NR6A1: variants seen among roughly 807,000 people sequenced by gnomAD.
NR6A1 encodes the protein retinoic acid receptor-related testis-associated receptor.
Under a neutral mutation model 59.1 loss-of-function variants are expected in NR6A1, and 7 were observed. That is an observed-to-expected ratio of 0.12 (90% CI 0.07 to 0.22). The LOEUF (loss-of-function observed/expected upper bound fraction) is 0.22. Ranked by LOEUF, NR6A1 falls within the 10% of genes least tolerant of loss-of-function variation. The pLI, the probability that NR6A1 is intolerant of heterozygous loss-of-function variation, is 1.00. For missense variants in NR6A1, 468 were observed against 611.6 expected (o/e 0.77, Z 2.48); for synonymous variants, 243 against 236.1 (o/e 1.03, Z -0.27).
At chr9:124,767,023 C>T (rs1250501298) in intron 1 of NR6A1, among the ~76,000 whole-genome samples, 1 of 152,148 alleles carries the variant, frequency 6.6e-6, no homozygotes, top group East Asian at 1.9e-4. Flanking sequence ...GTATAAGAAA[C>T]TTCCTCTACC....
At chr9:124,566,554 T>C (rs1834246155) in intron 2 of NR6A1, among the ~76,000 whole-genome samples, 1 of 152,170 alleles carries the variant, frequency 6.6e-6, no homozygotes, top group Admixed American at 6.5e-5. Context: ...TGGTGGGAGA[T>C]ACATCTTGAA....
chr9:124,530,616 C>T (rs890209121), intron 7 of NR6A1, among the ~76,000 whole-genome samples: 1 of 152,308 alleles, frequency 6.6e-6, no homozygotes, highest in Non-Finnish European at 1.5e-5. Context: ...GAAACTGACA[C>T]TATGTAAGTT....
intron 8 of NR6A1, among the ~76,000 whole-genome samples, chr9:124,526,272 TTGTGTGTA>T (rs1554724072): frequency 2.6e-4 from 39 of 150,058 alleles, no homozygotes; most frequent in Admixed American, 2.2e-3. Flanking sequence ...CCATGCTTGA[TTGTGTGTA>T]TGTGTGTATG....
At chr9:124,631,462 A>G (rs1270422067) in intron 2 of NR6A1, among the ~76,000 whole-genome samples, 5 of 152,228 alleles carry the variant, frequency 3.3e-5, no homozygotes, top group Non-Finnish European at 7.3e-5. Flanking sequence ...TTTCTGCAGC[A>G]TAGCTTTAAA....
intron 3 of NR6A1, among the ~76,000 whole-genome samples, chr9:124,550,670 T>A (rs191135170): frequency 1.3e-5 from 2 of 152,030 alleles, no homozygotes; most frequent in East Asian, 3.9e-4. Flanking sequence ...AATGGTGATT[T>A]TTCTATTTCC....
intron 2 of NR6A1, among the ~76,000 whole-genome samples, chr9:124,649,140 A>T (rs1233024383): frequency 6.6e-6 from 1 of 151,698 alleles, no homozygotes; most frequent in Non-Finnish European, 1.5e-5. Context: ...TAGCCAAAGC[A>T]ATCCTGAACT....
intron 2 of NR6A1, among the ~76,000 whole-genome samples, chr9:124,630,795 C>T (rs929784668): frequency 2.0e-5 from 3 of 149,254 alleles, no homozygotes; most frequent in Non-Finnish European, 4.4e-5. Flanking sequence ...TCTCCTGCCT[C>T]AGCCTCCCGA....
chr9:124,522,300 C>A lies in NR6A1; in HGVS notation c.*405G>T, dbSNP rs543876790. 6.5e-4 allele frequency: 102 copies of A among 156,920 alleles called. 1 individual carries two copies. The highest frequency in any genetic ancestry group is 1.2e-3 in the Non-Finnish European group (84 of 70,566). 9.7% of individuals were successfully genotyped at this position (156,920 alleles called of 1,614,324 possible). Reference sequence around the variant, plus strand: ...GAAAAAGTAGGGATGGCCACACCCCCCATTTCCATTGAGGTAGTCATCTTT... The same window carrying A: ...GAAAAAGTAGGGATGGCCACACCCCACATTTCCATTGAGGTAGTCATCTTT... On this transcript the variant is annotated 3_prime_UTR_variant, in exon 10 of 10. Coordinates refer to ENST00000487099, the MANE Select transcript of NR6A1 (RefSeq NM_033334.4).
rs551380379 is a variant in NR6A1, at chr9:124,616,153, T to C, written c.143-61583A>G. On this transcript the variant is annotated intron_variant, in intron 2 of 9. Coordinates refer to ENST00000487099, the MANE Select transcript of NR6A1 (RefSeq NM_033334.4). The stretch of plus-strand genomic sequence containing the variant: ...TGGCTCACATCTGTAATCCCAGCAC[T>C]TTGGGAGGCCGAGGTGAGCAGATCA... 1.1e-3 allele frequency among the ~76,000 whole-genome samples: 174 copies of C among 152,076 alleles called. 1 individual carries two copies. The highest frequency in any genetic ancestry group is 3.8e-3 in the African/African-American group (158 of 41,512).
At chr9:124,646,991 C>T (rs140433420) in intron 2 of NR6A1, among the ~76,000 whole-genome samples, 136 of 152,238 alleles carry the variant, frequency 8.9e-4, no homozygotes, top group Middle Eastern at 3.4e-3. Flanking sequence ...CATAGCTCAC[C>T]GTAACCTCAA....
intron 2 of NR6A1, among the ~76,000 whole-genome samples, chr9:124,689,280 T>C (rs931590844): frequency 5.9e-5 from 9 of 152,186 alleles, no homozygotes; most frequent in Non-Finnish European, 8.8e-5. Flanking sequence ...GTTAAGTAAT[T>C]TGTCAAAGAT....
At chr9:124,584,239 C>T (rs1469651266) in intron 2 of NR6A1, among the ~76,000 whole-genome samples, 2 of 152,020 alleles carry the variant, frequency 1.3e-5, no homozygotes, top group Non-Finnish European at 1.5e-5. Flanking sequence ...TCCCGAGTAG[C>T]TGGGATTACA....
intron 4 of NR6A1, among the ~76,000 whole-genome samples, chr9:124,540,774 C>G (rs1333300396): frequency 1.3e-5 from 2 of 152,136 alleles, no homozygotes; most frequent in Non-Finnish European, 2.9e-5. Context: ...CCACCCCAGC[C>G]TGGGTGACAG....
chr9:124,724,235 A>G (rs890001193), intron 2 of NR6A1, among the ~76,000 whole-genome samples: 1 of 152,144 alleles, frequency 6.6e-6, no homozygotes, highest in African/African-American at 2.4e-5. Context: ...GAGCTCGGAC[A>G]CAACCTGGAA....
chr9:124,569,361 A>C (rs1834372048), intron 2 of NR6A1, among the ~76,000 whole-genome samples: 1 of 152,186 alleles, frequency 6.6e-6, no homozygotes, highest in African/African-American at 2.4e-5. Context: ...TGTTACAAAA[A>C]TACCTCCTCC....
chr9:124,590,061 C>CAA (rs71372976), intron 2 of NR6A1, among the ~76,000 whole-genome samples: 1,197 of 30,904 alleles, frequency 0.039, 344 homozygotes, highest in Middle Eastern at 0.1. Context: ...AAGACTCTGT[C>CAA]AAAAAAAAAA....
chr9:124,549,823 TG>T lies in NR6A1; in HGVS notation c.385+4504del, dbSNP rs1453333742. Among the ~76,000 whole-genome samples the T allele has an allele frequency of 2.0e-5, 3 of 152,234 alleles. No individual in the cohort carries two copies. In the East Asian group the frequency reaches 5.8e-4, roughly 29 times the overall value. On this transcript the variant is annotated intron_variant, in intron 3 of 9. Transcript: ENST00000487099. Reference sequence around the variant, plus strand: ...GTCATCAAAACTAGGAAATTAACCTTGGTACAATACTATTAACCAAAGTACA... The same window carrying T: ...GTCATCAAAACTAGGAAATTAACCTTGTACAATACTATTAACCAAAGTACA...
At chr9:124,596,426 T>G (rs1835275354) in intron 2 of NR6A1, among the ~76,000 whole-genome samples, 1 of 152,198 alleles carries the variant, frequency 6.6e-6, no homozygotes, top group African/African-American at 2.4e-5. Context: ...TTTGCAGGGC[T>G]TACTTTAACT....
At chr9:124,606,005 C>T (rs1026600920) in intron 2 of NR6A1, among the ~76,000 whole-genome samples, 1 of 152,134 alleles carries the variant, frequency 6.6e-6, no homozygotes, top group Admixed American at 6.5e-5. Context: ...ATTCTCCATC[C>T]TGGCTGCTAA....
Sources: allele counts gnomAD v4.1 joint callset (sites outside exome capture counted in the v4.1 genomes callset), GRCh38; gene constraint gnomAD v4.1.1; transcripts MANE v1.5; gene names NCBI Gene and HGNC (gene_info 2026-07-23, HGNC 2026-07-21).